Variants in AFG2A observed in about 807,000 individuals in gnomAD.
AFG2A encodes the protein ATPase family gene 2 protein homolog A.
the AFG2A span, among the ~76,000 whole-genome samples, chr4:123,178,413 A>G: frequency 1.3e-5 from 2 of 152,344 alleles, no homozygotes; most frequent in African/African-American, 4.8e-5. Flanking sequence ...TGTTTAAAAA[A>G]TTTTGTTTAA....
At chr4:123,292,099 T>C in the AFG2A span, among the ~76,000 whole-genome samples, 1 of 152,214 alleles carries the variant, frequency 6.6e-6, no homozygotes, top group Non-Finnish European at 1.5e-5. Context: ...TCTGATTTGG[T>C]TGATTCAAAA....
the AFG2A span, among the ~76,000 whole-genome samples, chr4:123,142,594 C>G: frequency 5.9e-5 from 9 of 151,994 alleles, no homozygotes; most frequent in Non-Finnish European, 1.0e-4. Flanking sequence ...ACTTGAGATA[C>G]GTTAACTTTG....
the AFG2A span, among the ~76,000 whole-genome samples, chr4:122,956,330 G>A: frequency 1.3e-5 from 2 of 152,170 alleles, no homozygotes; most frequent in Non-Finnish European, 2.9e-5. Flanking sequence ...TACCAACCCT[G>A]TGATAGAAGT....
chr4:122,946,520 A>T, the AFG2A span, among the ~76,000 whole-genome samples: 2 of 148,890 alleles, frequency 1.3e-5, no homozygotes, highest in African/African-American at 4.9e-5. Context: ...CTTTTTTTAA[A>T]TTTTTTTTTT....
chr4:123,171,031 A>G, the AFG2A span, among the ~76,000 whole-genome samples: 5 of 152,160 alleles, frequency 3.3e-5, no homozygotes, highest in Non-Finnish European at 7.4e-5. Context: ...AGTATTAGCT[A>G]TTGTTTTAAA....
chr4:122,926,991 C>T, the AFG2A span, among the ~76,000 whole-genome samples: 5 of 151,968 alleles, frequency 3.3e-5, no homozygotes, highest in Non-Finnish European at 7.4e-5. Context: ...AGGAGGGACA[C>T]CTAACTAAAT....
chr4:123,095,957 C>G, the AFG2A span, among the ~76,000 whole-genome samples: 1 of 152,074 alleles, frequency 6.6e-6, no homozygotes, highest in African/African-American at 2.4e-5. Context: ...TTTAGTGTCT[C>G]TTTTTGACAG....
the AFG2A span, among the ~76,000 whole-genome samples, chr4:123,297,009 C>A: frequency 6.6e-6 from 1 of 152,188 alleles, no homozygotes; most frequent in African/African-American, 2.4e-5. Flanking sequence ...GTTATACGCA[C>A]AATTTTAATT....
At chr4:123,231,708 T>A in the AFG2A span, among the ~76,000 whole-genome samples, 2 of 152,118 alleles carry the variant, frequency 1.3e-5, no homozygotes, top group Admixed American at 1.3e-4. Flanking sequence ...ACTTCTAGCT[T>A]TTTATGTAAA....
At chr4:122,947,103 C>A in the AFG2A span, 7 of 725,982 alleles carry the variant, frequency 9.6e-6, no homozygotes, top group South Asian at 3.7e-5. Context: ...GTAATGAAAG[C>A]GTAAGAAATA....
chr4:123,165,068 G>A, the AFG2A span, among the ~76,000 whole-genome samples: 2 of 151,398 alleles, frequency 1.3e-5, no homozygotes. Context: ...TATTTGGAGT[G>A]AACTGTAAAA....
the AFG2A span, among the ~76,000 whole-genome samples, chr4:123,199,763 C>A: frequency 6.6e-6 from 1 of 152,132 alleles, no homozygotes; most frequent in Non-Finnish European, 1.5e-5. Context: ...AGCCACCACA[C>A]CCGGCCGATA....
At chr4:122,958,701 T>C in the AFG2A span, among the ~76,000 whole-genome samples, 1 of 152,204 alleles carries the variant, frequency 6.6e-6, no homozygotes, top group Non-Finnish European at 1.5e-5. Flanking sequence ...ATGCTAATGC[T>C]GGTGCTAATG....
At chr4:123,216,807 A>C in the AFG2A span, among the ~76,000 whole-genome samples, 1 of 151,786 alleles carries the variant, frequency 6.6e-6, no homozygotes, top group Non-Finnish European at 1.5e-5. Context: ...GGTGCACACC[A>C]CTTTGCCTTG....
At chr4:123,261,925 G>A in the AFG2A span, among the ~76,000 whole-genome samples, 645 of 152,100 alleles carry the variant, frequency 4.2e-3, 5 homozygotes, top group South Asian at 0.038. Flanking sequence ...GAATAGAGGT[G>A]CATGCCACTG....
chr4:123,116,355 A>C, the AFG2A span, among the ~76,000 whole-genome samples: 2 of 152,308 alleles, frequency 1.3e-5, no homozygotes, highest in African/African-American at 4.8e-5. Flanking sequence ...AGCTACACAG[A>C]AAGTTGATTT....
chr4:123,250,286 T>G, the AFG2A span, among the ~76,000 whole-genome samples: 17 of 152,304 alleles, frequency 1.1e-4, no homozygotes, highest in African/African-American at 3.4e-4. Flanking sequence ...TCATGTGAAA[T>G]ACCAGATGTT....
the AFG2A span, among the ~76,000 whole-genome samples, chr4:122,966,825 T>C: frequency 6.6e-6 from 1 of 152,172 alleles, no homozygotes; most frequent in African/African-American, 2.4e-5. Context: ...CTGTGAGAGA[T>C]TGATTTGCCT....
chr4:123,197,596 C>T, the AFG2A span, among the ~76,000 whole-genome samples: 37 of 151,636 alleles, frequency 2.4e-4, no homozygotes, highest in Admixed American at 2.2e-3. Context: ...AGTGAAACCC[C>T]GTCTCTACTA....
Sources: allele counts gnomAD v4.1 joint callset (sites outside exome capture counted in the v4.1 genomes callset), GRCh38; gene constraint gnomAD v4.1.1; transcripts MANE v1.5; gene names NCBI Gene and HGNC (gene_info 2026-07-23, HGNC 2026-07-21).